RSPH1: variants seen among roughly 807,000 people sequenced by gnomAD.
RSPH1 encodes the protein radial spoke head component 1, also known as radial spoke head 1 homolog.
In RSPH1, 32 loss-of-function variants were observed where a neutral mutation model predicts 44.2. The ratio of observed to expected loss-of-function variants is 0.72; its 90% confidence interval spans 0.55 to 0.97. The LOEUF (loss-of-function observed/expected upper bound fraction) is 0.97. RSPH1 is among the 50% of genes least tolerant of loss of function. RSPH1 has a pLI of 0.00. For synonymous variants in RSPH1, 134 were observed against 147.3 expected (o/e 0.91, Z 0.65); for missense variants, 391 against 398.7 (o/e 0.98, Z 0.16).
chr21:42,473,293 C>G (rs1466217797), intron 8 of RSPH1, among the ~76,000 whole-genome samples: 4 of 152,136 alleles, frequency 2.6e-5, no homozygotes, highest in Non-Finnish European at 5.9e-5. Flanking sequence ...GAGTTCGAGA[C>G]CAGCCCGGCC....
chr21:42,495,182 T>C (rs538894448), intron 1 of RSPH1, among the ~76,000 whole-genome samples: 60 of 152,358 alleles, frequency 3.9e-4, no homozygotes, highest in African/African-American at 1.3e-3. Context: ...CACTAGCTAC[T>C]GGCTGTCTGG....
At chr21:42,476,781 A>G (rs1191106822) in intron 7 of RSPH1, among the ~76,000 whole-genome samples, 1 of 152,046 alleles carries the variant, frequency 6.6e-6, no homozygotes, top group Non-Finnish European at 1.5e-5. Flanking sequence ...CTGTCCAATC[A>G]ACTCTGTTTC....
intron 2 of RSPH1, 26 bp from the exon 3 acceptor site, chr21:42,492,889 A>G (rs773961496): frequency 1.9e-6 from 3 of 1,580,642 alleles, no homozygotes; most frequent in South Asian, 1.1e-5. Flanking sequence ...TATATCATTC[A>G]TATCATTGCT....
At chr21:42,486,841 G>T (rs2054185840) in intron 3 of RSPH1, among the ~76,000 whole-genome samples, 1 of 152,180 alleles carries the variant, frequency 6.6e-6, no homozygotes, top group Non-Finnish European at 1.5e-5. Context: ...TTAGTCAGAG[G>T]CACCACGAAG....
At chr21:42,492,682 T>C in intron 3 of RSPH1, 76 bp downstream of exon 3, 1 of 808,926 alleles carries the variant, frequency 1.2e-6, no homozygotes, top group Non-Finnish European at 2.1e-6. Context: ...TACATGTCAG[T>C]ATTCACAGAC....
At position 42,474,837 on chromosome 21, in the gene RSPH1, T is replaced by TGCCAGCGCTCAGG. The variant is rs2054028335; in HGVS notation, c.877+1060_877+1061insCCTGAGCGCTGGC. ...GGGAATTACCGATCACGAAAGTCTA[T>TGCCAGCGCTCAGG]GTGTGCTTCAAGCATCTAAGAGAAA... On this transcript the variant is annotated intron_variant, in intron 8 of 8. Coordinates refer to ENST00000291536, the MANE Select transcript of RSPH1 (RefSeq NM_080860.4). This position sits in a 1 kb window ranked among gnomAD's most constrained non-coding sequence, Gnocchi z 5.2. Among the ~76,000 whole-genome samples, 1 of 151,954 alleles carries TGCCAGCGCTCAGG rather than the reference T, an allele frequency of 6.6e-6. No homozygotes were observed. Among genetic ancestry groups the TGCCAGCGCTCAGG allele is most frequent in the African/African-American group, 2.4e-5 (1 of 41,198 alleles).
rs116479152 is a variant in RSPH1, at chr21:42,488,880, A to C, written c.275-2419T>G. Among the ~76,000 whole-genome samples, 1,173 of 152,214 alleles carry C rather than the reference A, an allele frequency of 7.7e-3. 15 individuals are homozygous for C. The highest frequency in any genetic ancestry group is 0.027 in the African/African-American group (1,105 of 41,512). On this transcript the variant is annotated intron_variant, in intron 3 of 8. Transcript: ENST00000291536. ...TTATTGTGGCTTTAAATTTGCACTTAATTTTTTTTTTAAAGTCTTTCTACC... is the reference window on the plus strand; with the variant it reads ...TTATTGTGGCTTTAAATTTGCACTTCATTTTTTTTTTAAAGTCTTTCTACC...
At chr21:42,489,581 G>A (rs1015497462) in intron 3 of RSPH1, among the ~76,000 whole-genome samples, 6 of 152,244 alleles carry the variant, frequency 3.9e-5, no homozygotes, top group African/African-American at 1.2e-4. Flanking sequence ...TTGCCAAGTT[G>A]GCTCCCTAAA....
At chr21:42,492,732 A>G in intron 3 of RSPH1, 26 bp downstream of exon 3, 1 of 1,379,018 alleles carries the variant, frequency 7.3e-7, no homozygotes, top group Non-Finnish European at 1.0e-6. Context: ...TGTAACACGA[A>G]AATCTGCTTA....
chr21:42,493,098 C>G lies in RSPH1; in HGVS notation c.55-19G>C. On this transcript the variant is annotated intron_variant, in intron 1 of 8. Coordinates refer to ENST00000291536, the MANE Select transcript of RSPH1 (RefSeq NM_080860.4). ...CATATTCCTGGGTAATGAAAATTGA[C>G]ACAATTACAGCTACCATTCATTAAG... is the stretch of plus-strand genomic sequence containing the variant. 1 of 1,594,200 alleles carries G rather than the reference C, an allele frequency of 6.3e-7. No homozygotes were observed. Among genetic ancestry groups the G allele is most frequent in the South Asian group, 1.1e-5 (1 of 90,498 alleles).
At chr21:42,477,516 A>G (rs1471419332) in intron 6 of RSPH1, 72 bp from the exon 7 acceptor site, 1 of 1,514,398 alleles carries the variant, frequency 6.6e-7, no homozygotes, top group African/African-American at 1.4e-5. Flanking sequence ...AAAGTGAGGG[A>G]GGAAGGACAA....
At chr21:42,494,081 A>G (rs532672034) in intron 1 of RSPH1, among the ~76,000 whole-genome samples, 4 of 152,340 alleles carry the variant, frequency 2.6e-5, no homozygotes, top group African/African-American at 9.6e-5. Flanking sequence ...TAAATAAAAA[A>G]TGTGATCAAA....
At chr21:42,485,902 G>T in intron 4 of RSPH1, 98 bp from the exon 5 acceptor site, 1 of 1,476,648 alleles carries the variant, frequency 6.8e-7, no homozygotes, top group Non-Finnish European at 9.4e-7. Context: ...GGCCCAGGCT[G>T]TTGCAGGCTC....
chr21:42,479,126 G>T (rs145670196), intron 6 of RSPH1, among the ~76,000 whole-genome samples: 8 of 152,102 alleles, frequency 5.3e-5, no homozygotes, highest in Non-Finnish European at 8.8e-5. Context: ...CTCTATAAAC[G>T]TACATATAAA....
chr21:42,490,786 T>TG (rs1349257449), intron 3 of RSPH1, among the ~76,000 whole-genome samples: 4 of 152,216 alleles, frequency 2.6e-5, no homozygotes, highest in African/African-American at 9.6e-5. Context: ...AGGCCCAGGA[T>TG]GGCCTCAAGA....
At position 42,488,675 on chromosome 21, in the gene RSPH1, A is replaced by G. The variant is rs867720276; in HGVS notation, c.275-2214T>C. ...AAGAGGACGGTGAGCAAAATTTTTT[A>G]AAGTCCCAATCTACTTAAAAAACCT... On this transcript the variant is annotated intron_variant, in intron 3 of 8. Transcript: ENST00000291536. Among the ~76,000 whole-genome samples the G allele has an allele frequency of 5.3e-5, 8 of 152,328 alleles. No homozygotes were observed. In the South Asian group the frequency reaches 1.7e-3, roughly 32 times the overall value.
chr21:42,486,161 CA>C (rs1160719452), intron 4 of RSPH1: 1 of 587,048 alleles, frequency 1.7e-6, no homozygotes, highest in Admixed American at 2.9e-5. Flanking sequence ...TGCTCTGCCC[CA>C]ACTGAGGTGC....
At position 42,486,388 on chromosome 21, in the gene RSPH1, C is replaced by T; in HGVS notation, c.348G>A (p.Glu116=). The change falls in exon 4 of 9, where the codon GAG becomes GAA. Residue 116 remains glutamate (E), a synonymous_variant. Coordinates refer to ENST00000291536, the MANE Select transcript of RSPH1 (RefSeq NM_080860.4). ...AACCGAACCTTTGATGAGCAAACCA[C>T]TCTCCAGTGTAGGTGTCATTATTGA... is the stretch of plus-strand genomic sequence containing the variant. ...YYINNDTYTG[E]WFAHQRHGQG... is the part of the protein sequence containing the mutation. The T allele has an allele frequency of 1.2e-6, 2 of 1,613,792 alleles. No individual in the cohort carries two copies. Among genetic ancestry groups the T allele is most frequent in the Non-Finnish European group, 1.7e-6 (2 of 1,179,670 alleles).
chr21:42,486,049 T>C, intron 4 of RSPH1: 4 of 593,348 alleles, frequency 6.7e-6, no homozygotes, highest in Admixed American at 3.0e-5. Flanking sequence ...GTCAGCTGCT[T>C]TCCCCAGGGA....
Sources: allele counts gnomAD v4.1 joint callset (sites outside exome capture counted in the v4.1 genomes callset), GRCh38; gene constraint gnomAD v4.1.1; non-coding constraint Gnocchi (gnomAD v3.1); transcripts MANE v1.5; gene names NCBI Gene and HGNC (gene_info 2026-07-23, HGNC 2026-07-21).